ITGA11: variants seen among roughly 807,000 people sequenced by gnomAD.
ITGA11 encodes integrin alpha-11.
In ITGA11, 97 loss-of-function variants were observed where a neutral mutation model predicts 141.9. The observed-to-expected ratio is 0.68, with a 90% CI of 0.58 to 0.81. The LOEUF (loss-of-function observed/expected upper bound fraction) is 0.81, where lower values mean the gene tolerates loss of function less well. ITGA11 is among the 30% of genes least tolerant of loss of function. The probability of loss-of-function intolerance (pLI) is 0.00; values close to 1 mark genes in which losing one functional copy is unlikely to be tolerated. For synonymous variants in ITGA11, 658 were observed against 624.6 expected, an observed-to-expected ratio of 1.05 and a Z score of -0.80; for missense variants, 1,387 against 1,559.2, an observed-to-expected ratio of 0.89 and a Z score of 1.86.
In ITGA11 at chr15:68,328,835, C is replaced by T. The variant is rs4777038; in HGVS notation, c.1902-573G>A. On this transcript the variant is annotated intron_variant, in intron 15 of 29. Transcript: ENST00000315757. The surrounding 1 kb of genome is among the most constrained non-coding windows in gnomAD (Gnocchi z 4.8). ...TGTGAACGTTCCATGGACCACACTT[C>T]GAAGAGCGAGGCGTTAAAGCACCCC... Among the ~76,000 whole-genome samples, 113,401 of 152,058 alleles carry T rather than the reference C, an allele frequency of 0.75. 43,045 individuals carry two copies. Among genetic ancestry groups the T allele is most frequent in the East Asian group, 0.88 (4,560 of 5,170 alleles).
intron 1 of ITGA11, among the ~76,000 whole-genome samples, chr15:68,415,240 T>C (rs1896861878): frequency 6.6e-6 from 1 of 152,206 alleles, no homozygotes; most frequent in Non-Finnish European, 1.5e-5. Flanking sequence ...CATCTCTGGA[T>C]GTGTCTCTTG....
rs575269180 is a variant in ITGA11, at chr15:68,321,481, T to C, written c.2345A>G (p.Asn782Ser). 59 of 1,595,228 alleles carry C rather than the reference T, an allele frequency of 3.7e-5. No individual in the cohort carries two copies. Among genetic ancestry groups the C allele is most frequent in the African/African-American group, 1.2e-4 (9 of 73,058 alleles). Residue 782 changes from asparagine (N) to serine (S), a missense_variant, in exon 19 of 30, where the codon AAT becomes AGT. By Grantham distance (46) the Asn-to-Ser change is conservative (BLOSUM62 1). Coordinates refer to ENST00000315757, the MANE Select transcript of ITGA11 (RefSeq NM_001004439.2). This position sits in a 1 kb window ranked among gnomAD's most constrained non-coding sequence, Gnocchi z 4.9. ...RVSVPFWNGC[N>S]EDEHCVPDLV... The stretch of plus-strand genomic sequence containing the variant: ...GTCAGGGACACAGTGCTCATCCTCA[T>C]TGCAGCCGTTCCAGAAGGGCACCTG...
At position 68,326,580 on chromosome 15, in the gene ITGA11, ACT is replaced by A; in HGVS notation, c.2211+72_2211+73del. On this transcript the variant is annotated intron_variant, in intron 17 of 29. Transcript: ENST00000315757. This position sits in a 1 kb window ranked among gnomAD's most constrained non-coding sequence, Gnocchi z 6.8. ...TGGGGGCTTAGAACCAGCCAGGCAG[ACT>A]CTCTGCCTCTCCCACGGCAGATGCT... 6.8e-7 allele frequency: 1 copy of A among 1,472,570 alleles called. No individual in the cohort carries two copies. The highest frequency in any genetic ancestry group is 9.1e-7 in the Non-Finnish European group (1 of 1,099,186). The allele number at this position is 1,472,570 out of a possible 1,614,324, so 91.2% of individuals were successfully genotyped here. A position where few individuals can be genotyped will look rare whatever the true frequency, so the allele number is the denominator to read the frequency against.
intron 13 of ITGA11, 130 bp downstream of exon 13, chr15:68,332,208 G>A: frequency 1.6e-6 from 2 of 1,274,436 alleles, no homozygotes; most frequent in Non-Finnish European, 2.2e-6. Context: ...AGCCACAGAG[G>A]AGGCTCTGAT....
rs747072546 is a variant in ITGA11, at chr15:68,320,410, C to T, written c.2409-18G>A. The T allele has an allele frequency of 6.4e-7, 1 of 1,561,494 alleles. No individual in the cohort carries two copies. Among genetic ancestry groups the T allele is most frequent in the Admixed American group, 1.9e-5 (1 of 52,324 alleles). ...AGTACTCCCTGAGAACAAGAGACCA[C>T]CAGAGACTGGGCAGATGGAATGAGG... On this transcript the variant is annotated intron_variant, in intron 19 of 29. Transcript: ENST00000315757.
At chr15:68,413,454 C>T (rs765910135) in intron 1 of ITGA11, among the ~76,000 whole-genome samples, 13 of 152,134 alleles carry the variant, frequency 8.5e-5, no homozygotes, top group South Asian at 2.1e-4. Flanking sequence ...ACACGACTTA[C>T]GGTGTTCAGA....
At chr15:68,313,755 T>C (rs1893474311) in intron 23 of ITGA11, 24 bp downstream of exon 23, 1 of 1,603,770 alleles carries the variant, frequency 6.2e-7, no homozygotes, top group Non-Finnish European at 8.5e-7. Flanking sequence ...TTCCCTCTCC[T>C]GGGGCCCCCG....
At chr15:68,404,441 T>A (rs547023169) in intron 1 of ITGA11, among the ~76,000 whole-genome samples, 1 of 152,322 alleles carries the variant, frequency 6.6e-6, no homozygotes, top group South Asian at 2.1e-4. Flanking sequence ...AGGAAGCCTG[T>A]GTTAAGCCAA....
At chr15:68,417,611 G>C (rs552692097) in intron 1 of ITGA11, among the ~76,000 whole-genome samples, 2 of 152,022 alleles carry the variant, frequency 1.3e-5, no homozygotes, top group Admixed American at 1.3e-4. Context: ...ATTGCATTTA[G>C]AATAGATTCT....
At position 68,325,317 on chromosome 15, in the gene ITGA11, A is replaced by C; in HGVS notation, c.2212-76T>G. On this transcript the variant is annotated intron_variant, in intron 17 of 29. Coordinates refer to ENST00000315757, the MANE Select transcript of ITGA11 (RefSeq NM_001004439.2). This position sits in a 1 kb window ranked among gnomAD's most constrained non-coding sequence, Gnocchi z 5.5. ...ATGAGCCAGGACCGTGGATGCTGAGATAGAACTTCCACCTTCCTTAGATGG... is the reference window on the plus strand; with the variant it reads ...ATGAGCCAGGACCGTGGATGCTGAGCTAGAACTTCCACCTTCCTTAGATGG... 1.0e-6 allele frequency: 1 copy of C among 1,004,874 alleles called. No individual in the cohort carries two copies. Among genetic ancestry groups the C allele is most frequent in the Non-Finnish European group, 1.6e-6 (1 of 634,692 alleles). 62.2% of individuals were successfully genotyped at this position (1,004,874 alleles called of 1,614,324 possible). A position where few individuals can be genotyped will look rare whatever the true frequency, so the allele number is the denominator to read the frequency against.
At chr15:68,313,337 T>G (rs1298042080) in intron 23 of ITGA11, among the ~76,000 whole-genome samples, 28 of 145,442 alleles carry the variant, frequency 1.9e-4, no homozygotes, top group African/African-American at 2.3e-4. Context: ...GGGGTGGGGG[T>G]GGGAGCAGTC....
rs889192733 is a variant in ITGA11, at chr15:68,321,392, G to T, written c.2408+26C>A. 5.4e-6 allele frequency: 8 copies of T among 1,484,746 alleles called. No homozygotes were observed. The Admixed American group carries it at 5.8e-5, about 11-fold the overall frequency. The allele number at this position is 1,484,746 out of a possible 1,614,324, so 92.0% of individuals were successfully genotyped here. A position where few individuals can be genotyped will look rare whatever the true frequency, so the allele number is the denominator to read the frequency against. On this transcript the variant is annotated intron_variant, in intron 19 of 29. Coordinates refer to ENST00000315757, the MANE Select transcript of ITGA11 (RefSeq NM_001004439.2). This position sits in a 1 kb window ranked among gnomAD's most constrained non-coding sequence, Gnocchi z 4.9. ...CTGGCAGTGAAGGGGAAGGGGCGAG[G>T]GTGGGGGTGGAAGGAGCCAACTCAC...
intron 1 of ITGA11, among the ~76,000 whole-genome samples, chr15:68,411,611 G>A (rs1044609008): frequency 6.6e-6 from 1 of 152,232 alleles, no homozygotes; most frequent in African/African-American, 2.4e-5. Flanking sequence ...CACACATCTA[G>A]TGGGTGGCAG....
intron 26 of ITGA11, 79 bp downstream of exon 26, chr15:68,310,915 G>T: frequency 2.8e-6 from 3 of 1,089,644 alleles, no homozygotes; most frequent in Non-Finnish European, 4.1e-6. Context: ...TATTGGGTCG[G>T]GAGGGAAATG....
rs558339485 is a variant in ITGA11 at position 68,324,191 on chromosome 15, G to T, written c.2322+940C>A. On this transcript the variant is annotated intron_variant, in intron 18 of 29. Coordinates refer to ENST00000315757, the MANE Select transcript of ITGA11 (RefSeq NM_001004439.2). The surrounding 1 kb of genome is among the most constrained non-coding windows in gnomAD (Gnocchi z 6.3). ...CAGGGGACTGTGGGAGGCCTGGGGA[G>T]AGGGGTGTGGAGGGGCTGTGGGGGA... Among the ~76,000 whole-genome samples the T allele has an allele frequency of 2.0e-5, 3 of 152,026 alleles. No individual in the cohort carries two copies. Among genetic ancestry groups the T allele is most frequent in the African/African-American group, 7.2e-5 (3 of 41,388 alleles).
At chr15:68,365,985 G>T (rs1180115839) in intron 3 of ITGA11, among the ~76,000 whole-genome samples, 3 of 152,304 alleles carry the variant, frequency 2.0e-5, no homozygotes, top group African/African-American at 7.2e-5. Flanking sequence ...GGGGTGGGCC[G>T]CTGGCAGAGC....
At chr15:68,421,966 C>A (rs1366855664) in intron 1 of ITGA11, among the ~76,000 whole-genome samples, 1 of 152,226 alleles carries the variant, frequency 6.6e-6, no homozygotes, top group African/African-American at 2.4e-5. Context: ...GCACATTCCA[C>A]AGCTGATGTT....
rs1016900539 is a variant in ITGA11, at chr15:68,325,664, G to T, written c.2212-423C>A. Among the ~76,000 whole-genome samples the T allele has an allele frequency of 2.6e-5, 4 of 152,190 alleles. No homozygotes were observed. Among genetic ancestry groups the T allele is most frequent in the African/African-American group, 7.2e-5 (3 of 41,444 alleles). Reference sequence around the variant, plus strand: ...GTGTCACTCTTCCTTCCCAAGCAAGGAATAGGCCTGGAGCCTCCCAGCATG... The same window carrying T: ...GTGTCACTCTTCCTTCCCAAGCAAGTAATAGGCCTGGAGCCTCCCAGCATG... On this transcript the variant is annotated intron_variant, in intron 17 of 29. Coordinates refer to ENST00000315757, the MANE Select transcript of ITGA11 (RefSeq NM_001004439.2). This position sits in a 1 kb window ranked among gnomAD's most constrained non-coding sequence, Gnocchi z 5.5.
chr15:68,336,004 G>A (rs1894344691), intron 11 of ITGA11, 159 bp from the exon 12 acceptor site: 16 of 860,150 alleles, frequency 1.9e-5, no homozygotes, highest in South Asian at 1.6e-4. Context: ...AATTCCTAGG[G>A]GCAGCTGGGG....
Sources: gnomAD v4.1 joint callset for allele counts (sites outside exome capture counted in the v4.1 genomes callset) on GRCh38, gnomAD v4.1.1 for gene constraint, Gnocchi (gnomAD v3.1) non-coding constraint, MANE v1.5 for transcripts, NCBI Gene and HGNC (gene_info 2026-07-23, HGNC 2026-07-21) for gene names.